DMD: variants seen among roughly 807,000 people sequenced by gnomAD.
DMD encodes the protein dystrophin, also known as mutant dystrophin.
In DMD, 63 loss-of-function variants were observed where a neutral mutation model predicts 330.1. That is an observed-to-expected ratio of 0.19 (90% confidence interval 0.16 to 0.24). The LOEUF (loss-of-function observed/expected upper bound fraction) is 0.24, where lower values mean the gene tolerates loss of function less well. Ranked by LOEUF, DMD falls within the 10% of genes least tolerant of loss-of-function variation. The pLI is 1.00. For missense variants in DMD, 3,344 were observed against 2,684.1 expected, an observed-to-expected ratio of 1.25 and a Z score of -5.43; for synonymous variants, 1,223 against 959.8, an observed-to-expected ratio of 1.27 and a Z score of -5.07.
intron 18 of DMD, among the ~76,000 whole-genome samples, chrX:32,516,232 T>C (rs2045850068): frequency 8.9e-6 from 1 of 111,931 alleles, no homozygotes; most frequent in Admixed American, 9.5e-5. Flanking sequence ...ATCGTAATTA[T>C]GTATTTCTCT....
At chrX:32,390,018 G>T in intron 31 of DMD, 53 bp downstream of exon 31, 1 of 935,975 alleles carries the variant, frequency 1.1e-6, no homozygotes. Flanking sequence ...AATATAGACT[G>T]GAGTATAATG....
chrX:33,338,958 T>C (rs181028236), intron 1 of DMD, among the ~76,000 whole-genome samples: 74 of 111,364 alleles, frequency 6.6e-4, no homozygotes, highest in Middle Eastern at 4.6e-3. Context: ...TTTTTCCCCC[T>C]GTCATCATCT....
intron 60 of DMD, among the ~76,000 whole-genome samples, chrX:31,394,546 C>G (rs1438824733): frequency 2.7e-5 from 3 of 111,909 alleles, no homozygotes; most frequent in Non-Finnish European, 5.6e-5. Flanking sequence ...GTAATCCCAG[C>G]ACTTTGGGAG....
intron 55 of DMD, among the ~76,000 whole-genome samples, chrX:31,556,013 C>G (rs770434153): frequency 6.4e-4 from 71 of 110,794 alleles, no homozygotes; most frequent in Non-Finnish European, 1.1e-3. Context: ...CCCCAGATGA[C>G]AGAGGAAGTT....
intron 13 of DMD, among the ~76,000 whole-genome samples, chrX:32,574,553 GGAA>G (rs2052801871): frequency 9.0e-6 from 1 of 111,470 alleles, no homozygotes; most frequent in African/African-American, 3.3e-5. Context: ...TCTATGCAAA[GGAA>G]GCATTTCAAA....
intron 41 of DMD, among the ~76,000 whole-genome samples, chrX:32,339,169 T>G (rs756253175): frequency 9.9e-5 from 11 of 111,439 alleles, no homozygotes; most frequent in Non-Finnish European, 1.9e-4. Flanking sequence ...ACAGATGAAG[T>G]AAATGAGACT....
At chrX:31,875,435 A>G in intron 47 of DMD, 62 bp from the exon 48 acceptor site, 1 of 914,532 alleles carries the variant, frequency 1.1e-6, no homozygotes, top group Admixed American at 2.8e-5. Context: ...AAAATGTTTA[A>G]AAATATATTT....
intron 44 of DMD, among the ~76,000 whole-genome samples, chrX:32,132,099 A>G (rs894072621): frequency 1.2e-4 from 13 of 112,144 alleles, no homozygotes; most frequent in Admixed American, 1.9e-4. Flanking sequence ...ATATTGCATG[A>G]GAAAATAGGT....
intron 49 of DMD, among the ~76,000 whole-genome samples, chrX:31,824,305 C>T (rs2092842279): frequency 9.1e-6 from 1 of 110,100 alleles, no homozygotes; most frequent in African/African-American, 3.3e-5. Flanking sequence ...CTGTTGTTGC[C>T]CTGGCTGGAA....
chrX:32,589,956 T>G (rs761660898), intron 13 of DMD, among the ~76,000 whole-genome samples: 22 of 111,608 alleles, frequency 2.0e-4, no homozygotes, highest in Admixed American at 1.2e-3. Flanking sequence ...CGAACACTCA[T>G]AGAGAAAGAT....
intron 62 of DMD, among the ~76,000 whole-genome samples, chrX:31,296,064 C>A (rs1603311740): frequency 9.3e-6 from 1 of 107,297 alleles, no homozygotes; most frequent in East Asian, 2.9e-4. Context: ...GATGACAGAC[C>A]AAGGATTTAT....
At chrX:32,780,150 T>C (rs1332780977) in intron 7 of DMD, among the ~76,000 whole-genome samples, 1 of 111,920 alleles carries the variant, frequency 8.9e-6, no homozygotes, top group Non-Finnish European at 1.9e-5. Flanking sequence ...ATATGCCTTA[T>C]GTTTCTAATT....
chrX:32,993,295 T>G (rs2093028728), intron 2 of DMD, among the ~76,000 whole-genome samples: 1 of 112,092 alleles, frequency 8.9e-6, no homozygotes, highest in Non-Finnish European at 1.9e-5. Context: ...GTGTCATAAC[T>G]GCCATTAATG....
chrX:31,997,735 T>C (rs1369996383), intron 44 of DMD, among the ~76,000 whole-genome samples: 1 of 110,843 alleles, frequency 9.0e-6, no homozygotes, highest in African/African-American at 3.3e-5. Context: ...GATGGCTCCA[T>C]AGTTCAGGAT....
chrX:32,697,783 T>A lies in DMD; in HGVS notation c.960+87A>T, dbSNP rs2063764208. On this transcript the variant is annotated intron_variant, in intron 9 of 78. Coordinates refer to ENST00000357033, the MANE Select transcript of DMD (RefSeq NM_004006.3). ...CTCTTCACGAGGAGATAAAAGGCAC[T>A]GAAAAATTCAAGCAAGTAAAAGCAG... 5 of 1,164,781 alleles carry A rather than the reference T, an allele frequency of 4.3e-6. No homozygotes were observed. The African/African-American group carries it at 7.2e-5, about 17-fold the overall frequency.
intron 44 of DMD, among the ~76,000 whole-genome samples, chrX:32,013,815 G>A (rs1603620365): frequency 1.8e-5 from 2 of 111,850 alleles, no homozygotes; most frequent in South Asian, 3.7e-4. Context: ...GAAATAAAAC[G>A]GACAGAAGAC....
At position 32,342,172 on chromosome X, in the gene DMD, G is replaced by C; in HGVS notation, c.5850C>G (p.Ile1950Met). The C allele has an allele frequency of 8.3e-7, 1 of 1,210,334 alleles. No individual in the cohort carries two copies. The highest frequency in any genetic ancestry group is 1.1e-6 in the Non-Finnish European group (1 of 894,442). ...GAAMAVEPTQIQLSKRWREIE... is the reference protein window; with the variant it reads ...GAAMAVEPTQMQLSKRWREIE... ...TTTCCCGCCAGCGCTTGCTGAGCTGGATCTGAGTTGGCTCCACTGCCATTG... is the reference window on the plus strand; with the variant it reads ...TTTCCCGCCAGCGCTTGCTGAGCTGCATCTGAGTTGGCTCCACTGCCATTG... The change falls in exon 41 of 79, where the codon ATC (isoleucine) becomes ATG (methionine). Residue 1950 changes from isoleucine (I) to methionine (M), a missense_variant. By Grantham distance (10) the Ile-to-Met change is conservative. Transcript: ENST00000357033.
intron 55 of DMD, among the ~76,000 whole-genome samples, chrX:31,554,994 C>T (rs1380040063): frequency 2.7e-5 from 3 of 111,556 alleles, no homozygotes; most frequent in East Asian, 5.6e-4. Flanking sequence ...CAGATTGTTC[C>T]TAGGAGAGGG....
chrX:32,775,778 G>A (rs1265275797), intron 7 of DMD, among the ~76,000 whole-genome samples: 19 of 112,977 alleles, frequency 1.7e-4, no homozygotes, highest in Admixed American at 1.7e-3. Flanking sequence ...TTTCCCCATT[G>A]TCTTGGCTAC....
Sources: gnomAD v4.1 joint callset for allele counts (sites outside exome capture counted in the v4.1 genomes callset) on GRCh38, gnomAD v4.1.1 for gene constraint, MANE v1.5 for transcripts, NCBI Gene and HGNC (gene_info 2026-07-23, HGNC 2026-07-21) for gene names.